Variants in MPC2 observed in about 807,000 individuals in gnomAD.
MPC2 encodes brain protein 44.
Under a neutral mutation model 19.2 loss-of-function variants are expected in MPC2, and 19 were observed. The observed-to-expected ratio is 0.99, with a 90% CI of 0.69 to 1.45. The LOEUF is 1.45. Ranked by LOEUF, MPC2 falls within the 40% of genes most tolerant of loss-of-function variation. MPC2 has a pLI of 0.00. For missense variants in MPC2, 122 were observed against 153.0 expected, an observed-to-expected ratio of 0.80 and a Z score of 1.07; for synonymous variants, 61 against 54.3, an observed-to-expected ratio of 1.12 and a Z score of -0.54.
chr1:167,922,239 T>G (rs1186611240), intron 3 of MPC2, among the ~76,000 whole-genome samples: 2 of 152,162 alleles, frequency 1.3e-5, no homozygotes, highest in Admixed American at 6.5e-5. Context: ...TTTCAACATG[T>G]ACTTAAAATA....
chr1:167,926,685 C>T (rs1318433410), intron 2 of MPC2, among the ~76,000 whole-genome samples: 2 of 152,282 alleles, frequency 1.3e-5, no homozygotes, highest in Admixed American at 1.3e-4. Context: ...TGTTAAACAT[C>T]CTCCAATGCG....
At position 167,937,059 on chromosome 1, in the gene MPC2, G is replaced by A; in HGVS notation, c.-178C>T. 2.7e-6 allele frequency: 4 copies of A among 1,486,230 alleles called. No homozygotes were observed. The highest frequency in any genetic ancestry group is 1.2e-5 in the South Asian group (1 of 84,454). 92.1% of individuals were successfully genotyped at this position (1,486,230 alleles called of 1,614,324 possible). On this transcript the variant is annotated 5_prime_UTR_variant, in exon 1 of 6. Coordinates refer to ENST00000271373, the MANE Select transcript of MPC2 (RefSeq NM_001143674.4). ...CGCTGAGGTCGCCGCCTAGAGTGGG[G>A]GAGGGGGCACGCTGCCGGGTCTGTT... is the stretch of plus-strand genomic sequence containing the variant.
intron 1 of MPC2, chr1:167,936,628 C>T (rs1671253618): frequency 5.4e-6 from 2 of 371,046 alleles, no homozygotes; most frequent in East Asian, 5.8e-5. Flanking sequence ...ATCGCCTCCG[C>T]CTCCGCCTCC....
intron 1 of MPC2, 153 bp downstream of exon 1, chr1:167,936,786 G>T: frequency 2.4e-6 from 2 of 829,164 alleles, no homozygotes; most frequent in Non-Finnish European, 3.8e-6. Flanking sequence ...GCCATCTAAC[G>T]CTGCGCCCTG....
At chr1:167,924,318 CTAAAG>C (rs1670676804) in intron 3 of MPC2, 174 bp downstream of exon 3, 4 of 462,036 alleles carry the variant, frequency 8.7e-6, no homozygotes, top group East Asian at 3.6e-5. Context: ...TTCAGAAAAA[CTAAAG>C]TAGATAGTTG....
intron 2 of MPC2, among the ~76,000 whole-genome samples, chr1:167,929,744 C>G (rs1476225932): frequency 6.6e-6 from 1 of 152,152 alleles, no homozygotes; most frequent in Non-Finnish European, 1.5e-5. Flanking sequence ...CTTTTTGGAA[C>G]AGAATAGGTA....
Position 167,917,335 on chromosome 1 carries a change from C to T in MPC2, c.*988G>A, listed in dbSNP as rs528912207. ...ACAGCATAGGCTGGGTATGGTGGCT[C>T]ATGCCTGTATTCCAGCACTTTGACA... On this transcript the variant is annotated 3_prime_UTR_variant, in exon 6 of 6. Coordinates refer to ENST00000271373, the MANE Select transcript of MPC2 (RefSeq NM_001143674.4). 6.6e-6 allele frequency: 1 copy of T among 152,256 alleles called. No individual in the cohort carries two copies. The highest frequency in any genetic ancestry group is 6.5e-5 in the Admixed American group (1 of 15,274). The allele number at this position is 152,256 out of a possible 1,614,324, so 9.4% of individuals were successfully genotyped here.
At chr1:167,935,129 C>A (rs1671058810) in intron 2 of MPC2, among the ~76,000 whole-genome samples, 1 of 152,110 alleles carries the variant, frequency 6.6e-6, no homozygotes. Flanking sequence ...CAGGTCTGTC[C>A]ACACAAAAAG....
chr1:167,928,302 C>G (rs983646929), intron 2 of MPC2, among the ~76,000 whole-genome samples: 10 of 147,804 alleles, frequency 6.8e-5, no homozygotes, highest in Non-Finnish European at 1.0e-4. Context: ...GAGCCGAGAT[C>G]GCACCACTGC....
intron 2 of MPC2, among the ~76,000 whole-genome samples, chr1:167,925,434 CATATACACATATATATATAT>C (rs1435867323): frequency 1.4e-5 from 1 of 72,746 alleles, no homozygotes; most frequent in Non-Finnish European, 2.7e-5. Context: ...TACAGATATA[CATATACACATATATATATAT>C]ATATATATAT....
chr1:167,936,619 TCGCCTC>T (rs1331845422), intron 1 of MPC2: 2 of 362,906 alleles, frequency 5.5e-6, no homozygotes, highest in East Asian at 6.2e-5. Flanking sequence ...GGAGTCGCCA[TCGCCTC>T]CGCCTCCGCC....
At chr1:167,922,070 T>G (rs1571507683) in intron 3 of MPC2, among the ~76,000 whole-genome samples, 1 of 152,172 alleles carries the variant, frequency 6.6e-6, no homozygotes, top group African/African-American at 2.4e-5. Context: ...CTGTTATGTG[T>G]CATGTATAGA....
Position 167,918,307 on chromosome 1 carries a change from GT to G in MPC2, c.*15del. 1 of 1,562,050 alleles carries G rather than the reference GT, an allele frequency of 6.4e-7. No homozygotes were observed. The highest frequency in any genetic ancestry group is 8.8e-7 in the Non-Finnish European group (1 of 1,137,778). On this transcript the variant is annotated 3_prime_UTR_variant, in exon 6 of 6. Transcript: ENST00000271373. ...TTTTGTCCACATCTAGATTGTTCAG[GT>G]GATCAGGAACTCTTTTATTTGTGTG... is the stretch of plus-strand genomic sequence containing the variant.
At chr1:167,935,032 T>C (rs1444497031) in intron 2 of MPC2, among the ~76,000 whole-genome samples, 3 of 152,198 alleles carry the variant, frequency 2.0e-5, no homozygotes, top group African/African-American at 7.2e-5. Context: ...ATGTTATCTG[T>C]CATTCTCATA....
At chr1:167,920,415 T>C (rs1670571434) in intron 4 of MPC2, 132 bp downstream of exon 4, 12 of 938,206 alleles carry the variant, frequency 1.3e-5, no homozygotes, top group Non-Finnish European at 1.9e-5. Context: ...AATAACTTCC[T>C]AGACATAATA....
rs761366753 is a variant in MPC2, at chr1:167,935,811, C to T, written c.31G>A (p.Ala11Thr). ...TTATCGAGGAGCCGGTGGTAGGTGG[C>T]CCGCAGGCCTCGGGCACCGGCGGCC... MSAAGARGLR[A>T]TYHRLLDKVE... The change falls in exon 2 of 6, where the codon GCC becomes ACC. Residue 11 changes from alanine to threonine, a missense_variant. Transcript: ENST00000271373. 6.4e-7 allele frequency: 1 copy of T among 1,556,080 alleles called. No individual in the cohort carries two copies. The highest frequency in any genetic ancestry group is 8.7e-7 in the Non-Finnish European group (1 of 1,150,376).
chr1:167,925,467 A>G (rs1003383549), intron 2 of MPC2, among the ~76,000 whole-genome samples: 2 of 115,538 alleles, frequency 1.7e-5, no homozygotes, highest in East Asian at 4.7e-4. Flanking sequence ...ATATATATAT[A>G]TATATATACA....
chr1:167,925,606 G>A (rs1295571389), intron 2 of MPC2, among the ~76,000 whole-genome samples: 2 of 147,818 alleles, frequency 1.4e-5, no homozygotes, highest in African/African-American at 2.5e-5. Context: ...GAGTGCAATG[G>A]CACAATCTCG....
At chr1:167,936,816 G>A in intron 1 of MPC2, 123 bp downstream of exon 1, 1 of 1,146,356 alleles carries the variant, frequency 8.7e-7, no homozygotes, top group Non-Finnish European at 1.3e-6. Flanking sequence ...CGCGCGGATG[G>A]TGCCGGTGCG....
Sources: gnomAD v4.1 joint callset for allele counts (sites outside exome capture counted in the v4.1 genomes callset) on GRCh38, gnomAD v4.1.1 for gene constraint, MANE v1.5 for transcripts, NCBI Gene and HGNC (gene_info 2026-07-23, HGNC 2026-07-21) for gene names.